Variants in SLC46A3 observed in about 807,000 individuals in gnomAD.
SLC46A3 encodes the protein solute carrier family 46 member 3.
A neutral mutation model predicts 38.5 loss-of-function variants in SLC46A3; 26 were observed. The observed-to-expected ratio is 0.68, with a 90% CI of 0.49 to 0.94. The LOEUF (loss-of-function observed/expected upper bound fraction) is 0.94, where lower values mean the gene tolerates loss of function less well. Among genes scored for constraint, SLC46A3 ranks in the 40% least tolerant of loss-of-function variants. The pLI is 0.00. For missense variants in SLC46A3, 510 were observed against 544.3 expected (o/e 0.94, Z 0.63); for synonymous variants, 185 against 192.5 (o/e 0.96, Z 0.32).
At chr13:28,716,006 A>C (rs1232635059) in intron 2 of SLC46A3, among the ~76,000 whole-genome samples, 1 of 148,640 alleles carries the variant, frequency 6.7e-6, no homozygotes, top group African/African-American at 2.5e-5. Context: ...ATCAAAAATT[A>C]GCTGAGTGTA....
rs71190788 is a variant in SLC46A3, at chr13:28,708,614, C to CTT, written c.1144+2144_1144+2145dup. ...ATTTCACTTTCTTTCTTTTTCTTTT[C>CTT]TTTTTTTTTTTTTTTTTTGTATTTT... On this transcript the variant is annotated intron_variant, in intron 4 of 5. Coordinates refer to ENST00000266943, the MANE Select transcript of SLC46A3 (RefSeq NM_181785.4). Among the ~76,000 whole-genome samples the CTT allele has an allele frequency of 9.0e-3, 1,152 of 128,120 alleles. 4 individuals are homozygous for CTT. Among genetic ancestry groups the CTT allele is most frequent in the African/African-American group, 0.011 (377 of 35,078 alleles). 84.1% of individuals were successfully genotyped at this position (128,120 alleles called of 152,430 possible). A position where few individuals can be genotyped will look rare whatever the true frequency, so the allele number is the denominator to read the frequency against.
chr13:28,708,845 A>G (rs1885257216), intron 4 of SLC46A3, among the ~76,000 whole-genome samples: 1 of 152,102 alleles, frequency 6.6e-6, no homozygotes, highest in African/African-American at 2.4e-5. Flanking sequence ...AGTCTAATCT[A>G]TCAATTTTTC....
At position 28,700,971 on chromosome 13, in the gene SLC46A3, A is replaced by G. The variant is rs1328504003; in HGVS notation, c.*526T>C. The G allele has an allele frequency of 6.5e-7, 1 of 1,532,770 alleles. No individual in the cohort carries two copies. The highest frequency in any genetic ancestry group is 8.8e-7 in the Non-Finnish European group (1 of 1,131,880). 94.9% of individuals were successfully genotyped at this position (1,532,770 alleles called of 1,614,324 possible). A position where few individuals can be genotyped will look rare whatever the true frequency, so the allele number is the denominator to read the frequency against. On this transcript the variant is annotated 3_prime_UTR_variant, in exon 6 of 6. Transcript: ENST00000266943. ...CTTAACAGGCTCTATAAAATAAAGC[A>G]TTACCAAGTATAGGTAAAATCATAC...
chr13:28,715,793 T>C (rs60183524), intron 2 of SLC46A3, among the ~76,000 whole-genome samples: 1 of 152,208 alleles, frequency 6.6e-6, no homozygotes, highest in African/African-American at 2.4e-5. Flanking sequence ...ATTGTATGTA[T>C]CAAAACACCA....
chr13:28,704,436 G>A (rs1885118738), intron 4 of SLC46A3: 1 of 187,536 alleles, frequency 5.3e-6, no homozygotes. Context: ...CACAGCCCCA[G>A]GCAAAGCCAC....
rs1885574201 is a variant in SLC46A3, at chr13:28,717,810, C to T, written c.189G>A (p.Glu63=). ...TACTATGGATATTGTAATTTCTTAC[C>T]TCCTGGAATGCAAAAATTGGGCTGC... The part of the protein sequence containing the change: ...NKSSPIFAFQ[E]EVQKKVSRFN... Residue 63 remains glutamate, a splice_region_variant and synonymous_variant, in exon 2 of 6, where the codon GAG becomes GAA. Coordinates refer to ENST00000266943, the MANE Select transcript of SLC46A3 (RefSeq NM_181785.4). 1.9e-6 allele frequency: 3 copies of T among 1,612,496 alleles called. No homozygotes were observed. The African/African-American group carries it at 4.0e-5, about 22-fold the overall frequency.
Position 28,713,444 on chromosome 13 carries a change from C to T in SLC46A3, c.296G>A (p.Gly99Glu). 6.2e-7 allele frequency: 1 copy of T among 1,614,052 alleles called. No homozygotes were observed. Among genetic ancestry groups the T allele is most frequent in the Non-Finnish European group, 8.5e-7 (1 of 1,179,988 alleles). ...AGACAAAATCATAGGGAATTTTCGTCCGTAGTGATCACTAATAGACAAAAG... is the reference window on the plus strand; with the variant it reads ...AGACAAAATCATAGGGAATTTTCGTTCGTAGTGATCACTAATAGACAAAAG... ...FILLSISDHY[G>E]RKFPMILSSV... The change falls in exon 3 of 6, where the codon GGA (glycine) becomes GAA (glutamate). Residue 99 changes from glycine to glutamate, a missense_variant. Gly to Glu is a moderately conservative substitution (Grantham distance 98). Transcript: ENST00000266943.
At chr13:28,704,415 C>G (rs934232431) in intron 4 of SLC46A3, 1 of 211,062 alleles carries the variant, frequency 4.7e-6, no homozygotes, top group Admixed American at 5.7e-5. Context: ...CTGCATGTCT[C>G]TCCTCTCTGC....
intron 2 of SLC46A3, among the ~76,000 whole-genome samples, chr13:28,716,693 T>A (rs1408008058): frequency 6.6e-6 from 1 of 152,076 alleles, no homozygotes; most frequent in African/African-American, 2.4e-5. Context: ...CCCATGGGAA[T>A]GAGGAAATGA....
chr13:28,714,163 T>A (rs1885455059), intron 2 of SLC46A3, among the ~76,000 whole-genome samples: 1 of 146,008 alleles, frequency 6.8e-6, no homozygotes, highest in African/African-American at 2.6e-5. Flanking sequence ...AAAAAAACCT[T>A]TATTTAGGGA....
At position 28,712,757 on chromosome 13, in the gene SLC46A3, G is replaced by A. The variant is rs1458441094; in HGVS notation, c.983C>T (p.Ala328Val). 1 of 1,610,902 alleles carries A rather than the reference G, an allele frequency of 6.2e-7. No homozygotes were observed. Among genetic ancestry groups the A allele is most frequent in the East Asian group, 2.2e-5 (1 of 44,852 alleles). The change falls in exon 3 of 6, where the codon GCC becomes GTC. Residue 328 changes from alanine (A) to valine (V), a missense_variant. Ala to Val is a moderately conservative substitution (Grantham distance 64). Coordinates refer to ENST00000266943, the MANE Select transcript of SLC46A3 (RefSeq NM_181785.4). Reference sequence around the variant, plus strand: ...CATCGTGGTAAAAATCCCAATGAAGGCCATATGAATATCTTCCATACAATA... The same window carrying A: ...CATCGTGGTAAAAATCCCAATGAAGACCATATGAATATCTTCCATACAATA... ...FSYCMEDIHM[A>V]FIGIFTTMTG...
At chr13:28,716,339 A>C (rs927177890) in intron 2 of SLC46A3, among the ~76,000 whole-genome samples, 8 of 152,108 alleles carry the variant, frequency 5.3e-5, no homozygotes, top group African/African-American at 1.9e-4. Context: ...TAGGACCCCA[A>C]CTTTGAAACT....
intron 5 of SLC46A3, among the ~76,000 whole-genome samples, chr13:28,703,114 G>C (rs1162900513): frequency 6.6e-6 from 1 of 152,106 alleles, no homozygotes; most frequent in Non-Finnish European, 1.5e-5. Flanking sequence ...TTATGCTTCT[G>C]ATCTATCCAT....
intron 4 of SLC46A3, among the ~76,000 whole-genome samples, chr13:28,707,238 A>G (rs1885197477): frequency 1.3e-5 from 2 of 152,012 alleles, no homozygotes; most frequent in Non-Finnish European, 2.9e-5. Context: ...GGATGAGTTC[A>G]TGTCCTTCGT....
At chr13:28,714,549 G>C (rs1228636564) in intron 2 of SLC46A3, among the ~76,000 whole-genome samples, 1 of 152,200 alleles carries the variant, frequency 6.6e-6, no homozygotes, top group East Asian at 1.9e-4. Flanking sequence ...AGGAGTTTGA[G>C]ACCAGCCTGG....
At chr13:28,711,980 T>C (rs1317284900) in intron 3 of SLC46A3, among the ~76,000 whole-genome samples, 2 of 152,214 alleles carry the variant, frequency 1.3e-5, no homozygotes, top group Admixed American at 6.5e-5. Context: ...GTACTATAGA[T>C]GGAAGTTAGG....
At chr13:28,706,955 C>T (rs1216373986) in intron 4 of SLC46A3, among the ~76,000 whole-genome samples, 1 of 152,138 alleles carries the variant, frequency 6.6e-6, no homozygotes, top group Admixed American at 6.5e-5. Flanking sequence ...GTTGGTGGGA[C>T]TGTAAACTAG....
At position 28,701,122 on chromosome 13, in the gene SLC46A3, G is replaced by T; in HGVS notation, c.*375C>A. 1 of 1,439,074 alleles carries T rather than the reference G, an allele frequency of 6.9e-7. No homozygotes were observed. Among genetic ancestry groups the T allele is most frequent in the Non-Finnish European group, 9.1e-7 (1 of 1,096,212 alleles). 89.1% of individuals were successfully genotyped at this position (1,439,074 alleles called of 1,614,324 possible). On this transcript the variant is annotated 3_prime_UTR_variant, in exon 6 of 6. Coordinates refer to ENST00000266943, the MANE Select transcript of SLC46A3 (RefSeq NM_181785.4). The stretch of plus-strand genomic sequence containing the variant: ...CTGCTGATGAAGAAACTGAGGTAAA[G>T]ATTTCTCTTTGGTCTCAGTGTAAGA...
chr13:28,701,252 G>A lies in SLC46A3; in HGVS notation c.*245C>T. 7.2e-7 allele frequency: 1 copy of A among 1,391,190 alleles called. No individual in the cohort carries two copies. The highest frequency in any genetic ancestry group is 9.3e-7 in the Non-Finnish European group (1 of 1,075,858). 86.2% of individuals were successfully genotyped at this position (1,391,190 alleles called of 1,614,324 possible). ...GTTTCTCTTCTAAGTCTAAAAGTGA[G>A]GCGTATTTGAAATTTGTTCTGTGTA... is the stretch of plus-strand genomic sequence containing the variant. On this transcript the variant is annotated 3_prime_UTR_variant, in exon 6 of 6. Coordinates refer to ENST00000266943, the MANE Select transcript of SLC46A3 (RefSeq NM_181785.4).
Sources: allele counts gnomAD v4.1 joint callset (sites outside exome capture counted in the v4.1 genomes callset), GRCh38; gene constraint gnomAD v4.1.1; transcripts MANE v1.5; gene names NCBI Gene and HGNC (gene_info 2026-07-23, HGNC 2026-07-21).